The following MED12L variants were observed in gnomAD, a reference collection of about 807,000 sequenced individuals.
The protein encoded by MED12L is mediator complex subunit 12L, also known as mediator of RNA polymerase II transcription subunit 12-like protein.
In MED12L, 60 loss-of-function variants were observed where a neutral mutation model predicts 281.3. That is an observed-to-expected ratio of 0.21 (90% CI 0.17 to 0.26). MED12L has a LOEUF of 0.26. Ranked by LOEUF, MED12L falls within the 10% of genes least tolerant of loss-of-function variation. The pLI is 1.00. For synonymous variants in MED12L, 974 were observed against 987.2 expected (o/e 0.99, Z 0.25); for missense variants, 2,146 against 2,680.9 (o/e 0.80, Z 4.41).
intron 13 of MED12L, among the ~76,000 whole-genome samples, chr3:151,190,303 C>G (rs1250759368): frequency 6.6e-6 from 1 of 152,036 alleles, no homozygotes; most frequent in Non-Finnish European, 1.5e-5. Flanking sequence ...TCCCGAGTAG[C>G]TGGGCTTACA....
intron 16 of MED12L, among the ~76,000 whole-genome samples, chr3:151,238,522 C>A (rs1403146423): frequency 6.6e-6 from 1 of 152,160 alleles, no homozygotes; most frequent in Non-Finnish European, 1.5e-5. Context: ...ACTATGAAAT[C>A]AAATCCATCT....
intron 39 of MED12L, among the ~76,000 whole-genome samples, chr3:151,408,348 A>G (rs1459577757): frequency 1.3e-5 from 2 of 152,222 alleles, no homozygotes; most frequent in African/African-American, 4.8e-5. Flanking sequence ...AAATACCTAC[A>G]CTACTTTTCA....
intron 16 of MED12L, among the ~76,000 whole-genome samples, chr3:151,307,460 A>G (rs1386761867): frequency 6.6e-6 from 1 of 151,996 alleles, no homozygotes; most frequent in Admixed American, 6.6e-5. Flanking sequence ...TGGTACATGT[A>G]GCTTACAAAT....
At chr3:151,260,996 G>T (rs1319510282) in intron 16 of MED12L, among the ~76,000 whole-genome samples, 2 of 152,066 alleles carry the variant, frequency 1.3e-5, no homozygotes, top group East Asian at 3.9e-4. Flanking sequence ...CTTTGGTTCT[G>T]TGTGTTGCAG....
chr3:151,194,540 T>C (rs533784628), intron 16 of MED12L, among the ~76,000 whole-genome samples: 3 of 152,250 alleles, frequency 2.0e-5, no homozygotes, highest in South Asian at 4.1e-4. Flanking sequence ...GAATGAGTAT[T>C]GGAGAGAACA....
chr3:151,108,511 G>A (rs1166763958), intron 2 of MED12L, among the ~76,000 whole-genome samples: 1 of 152,116 alleles, frequency 6.6e-6, no homozygotes, highest in South Asian at 2.1e-4. Flanking sequence ...ATGTTCTTTT[G>A]GGGGAGAGGT....
intron 17 of MED12L, among the ~76,000 whole-genome samples, chr3:151,351,458 A>T (rs1247911282): frequency 6.6e-6 from 1 of 152,164 alleles, no homozygotes; most frequent in Non-Finnish European, 1.5e-5. Context: ...GGAAGCAACC[A>T]AGAGTTGTGG....
chr3:151,357,163 C>G (rs377013265), intron 19 of MED12L, 50 bp from the exon 20 acceptor site: 3 of 1,420,948 alleles, frequency 2.1e-6, no homozygotes, highest in South Asian at 1.4e-5. Context: ...AATGTTTTCT[C>G]TATTTGTTTT....
chr3:151,393,883 A>G (rs900232319), intron 38 of MED12L, among the ~76,000 whole-genome samples: 11 of 152,124 alleles, frequency 7.2e-5, no homozygotes, highest in African/African-American at 2.7e-4. Context: ...AACTTTTGTG[A>G]GGTGCTTATG....
rs776502111 is a variant in MED12L at position 151,165,424 on chromosome 3, G to A, written c.1262G>A (p.Arg421Gln). Residue 421 changes from arginine (R) to glutamine (Q), a missense_variant, in exon 10 of 45, where the codon CGG becomes CAG. Coordinates refer to ENST00000687756, the MANE Select transcript of MED12L (RefSeq NM_001393769.1). ...TTAGAAGCGATTATCTTTCAGGTTC[G>A]GGCAAGGATTTATGAAGTAGAACAA... ...GGNTAFNQQVRARIYEVEQQI... is the reference protein window; with the variant it reads ...GGNTAFNQQVQARIYEVEQQI... 17 of 1,613,202 alleles carry A rather than the reference G, an allele frequency of 1.1e-5. No individual in the cohort carries two copies. The highest frequency in any genetic ancestry group is 7.7e-5 in the South Asian group (7 of 91,010).
At chr3:151,368,600 ATTTTATTT>A (rs1489734033) in intron 25 of MED12L, among the ~76,000 whole-genome samples, 1 of 61,954 alleles carries the variant, frequency 1.6e-5, no homozygotes, top group Non-Finnish European at 3.1e-5. Flanking sequence ...ATTTTATTTT[ATTTTATTT>A]TATTTTATTT....
chr3:151,199,284 C>T, intron 16 of MED12L: 1 of 1,613,830 alleles, frequency 6.2e-7, no homozygotes, highest in Non-Finnish European at 8.5e-7. Flanking sequence ...GCCCAGGTTG[C>T]AAAACAACTT....
intron 11 of MED12L, among the ~76,000 whole-genome samples, chr3:151,175,023 A>C (rs1721876491): frequency 6.6e-6 from 1 of 152,260 alleles, no homozygotes; most frequent in African/African-American, 2.4e-5. Flanking sequence ...ATTATAAAAA[A>C]TGAATACCAT....
At chr3:151,134,785 A>C (rs1371018666) in intron 5 of MED12L, among the ~76,000 whole-genome samples, 1 of 152,142 alleles carries the variant, frequency 6.6e-6, no homozygotes, top group East Asian at 1.9e-4. Context: ...TCTGCAGAGA[A>C]ATACGTTATC....
intron 11 of MED12L, among the ~76,000 whole-genome samples, chr3:151,180,795 C>A (rs1387332638): frequency 6.6e-6 from 1 of 152,214 alleles, no homozygotes. Flanking sequence ...CTCTTCTGCA[C>A]AGACTTGGAA....
chr3:151,150,759 T>A (rs1397386686), intron 5 of MED12L, among the ~76,000 whole-genome samples: 1 of 152,266 alleles, frequency 6.6e-6, no homozygotes, highest in Non-Finnish European at 1.5e-5. Context: ...TACGTCAGCA[T>A]TGCTGCTTCA....
In MED12L at chr3:151,300,339, A is replaced by G. The variant is rs999313732; in HGVS notation, c.2251-49720A>G. On this transcript the variant is annotated intron_variant, in intron 16 of 44. Coordinates refer to ENST00000687756, the MANE Select transcript of MED12L (RefSeq NM_001393769.1). ...TTGGAGATGAACACCTGGGCCACAC[A>G]GAGTTGCCCTCTTTCATAATTCCCT... 16 of 578,034 alleles carry G rather than the reference A, an allele frequency of 2.8e-5. No individual in the cohort carries two copies. In the Admixed American group the frequency reaches 4.8e-4, roughly 17 times the overall value. 35.8% of individuals were successfully genotyped at this position (578,034 alleles called of 1,614,324 possible). A position where few individuals can be genotyped will look rare whatever the true frequency, so the allele number is the denominator to read the frequency against.
At chr3:151,356,197 T>G (rs930033025) in intron 19 of MED12L, among the ~76,000 whole-genome samples, 158 bp downstream of exon 19, 1 of 152,024 alleles carries the variant, frequency 6.6e-6, no homozygotes, top group African/African-American at 2.4e-5. Context: ...TCTAGGAGTT[T>G]TAGACCAGCC....
At chr3:151,263,542 A>G (rs967027897) in intron 16 of MED12L, among the ~76,000 whole-genome samples, 5 of 152,212 alleles carry the variant, frequency 3.3e-5, no homozygotes, top group Non-Finnish European at 5.9e-5. Context: ...CCAAAATATC[A>G]TGAGCTTTAC....
Sources: allele counts gnomAD v4.1 joint callset (sites outside exome capture counted in the v4.1 genomes callset), GRCh38; gene constraint gnomAD v4.1.1; transcripts MANE v1.5; gene names NCBI Gene and HGNC (gene_info 2026-07-23, HGNC 2026-07-21).